The following AVEN variants were observed in gnomAD, a reference collection of about 807,000 sequenced individuals.
AVEN encodes the protein cell death regulator Aven.
Under a neutral mutation model 38.1 loss-of-function variants are expected in AVEN, and 41 were observed. The ratio of observed to expected loss-of-function variants is 1.08; its 90% CI spans 0.84 to 1.40. The LOEUF is 1.40. AVEN is among the 40% of genes most tolerant of loss of function. The pLI is 0.00. For synonymous variants in AVEN, 206 were observed against 171.8 expected (o/e 1.20, Z -1.56); for missense variants, 605 against 438.8 (o/e 1.38, Z -3.38).
chr15:33,853,771 G>C, the AVEN span: 1 of 1,505,378 alleles, frequency 6.6e-7, no homozygotes, highest in Non-Finnish European at 8.9e-7. Context: ...CCGTGTCTTT[G>C]TTCTCTCAGG....
chr15:34,041,394 T>C (rs1258370645), upstream of AVEN, among the ~76,000 whole-genome samples: 1 of 152,190 alleles, frequency 6.6e-6, no homozygotes, highest in African/African-American at 2.4e-5. Flanking sequence ...AAACCCTGAT[T>C]TGGGCAAATG....
chr15:33,919,428 G>A (rs1281647421), intron 2 of AVEN, among the ~76,000 whole-genome samples: 1 of 152,144 alleles, frequency 6.6e-6, no homozygotes, highest in African/African-American at 2.4e-5. Flanking sequence ...TGCAACTTTG[G>A]TGTATATCAG....
intron 2 of AVEN, among the ~76,000 whole-genome samples, chr15:33,889,789 T>C (rs1438875449): frequency 6.6e-6 from 1 of 152,208 alleles, no homozygotes; most frequent in African/African-American, 2.4e-5. Context: ...ATTTTTATTC[T>C]TTTTCAGGTC....
chr15:34,017,368 G>C lies in AVEN; in HGVS notation c.268-14159C>G, dbSNP rs994642495. Among the ~76,000 whole-genome samples the C allele has an allele frequency of 3.3e-5, 5 of 151,544 alleles. No homozygotes were observed. The South Asian group carries it at 6.2e-4, about 19-fold the overall frequency. ...TTCCCCAAAGAATGACATTTCAAAA[G>C]AGAAAATATCAATCACCTAAGATTT... On this transcript the variant is annotated intron_variant, in intron 1 of 5. Transcript: ENST00000306730.
At chr15:33,993,168 G>A (rs1435489729) in intron 2 of AVEN, among the ~76,000 whole-genome samples, 1 of 152,120 alleles carries the variant, frequency 6.6e-6, no homozygotes, top group Admixed American at 6.5e-5. Flanking sequence ...AAAAAATGAA[G>A]GGCAGAAGAA....
chr15:33,915,235 G>T (rs983965093), intron 2 of AVEN, among the ~76,000 whole-genome samples: 4 of 152,106 alleles, frequency 2.6e-5, no homozygotes, highest in African/African-American at 9.7e-5. Flanking sequence ...TTTGCTCCAA[G>T]AACTACTGCA....
At chr15:33,859,848 T>TTAGCAAGA in intron 11 of AVEN, 1 of 1,170,004 alleles carries the variant, frequency 8.5e-7, no homozygotes, top group Non-Finnish European at 1.2e-6. Context: ...ACTTGTTAAT[T>TTAGCAAGA]TAGCAAGAAC....
intron 1 of AVEN, among the ~76,000 whole-genome samples, chr15:34,037,728 ATTTAAG>A (rs957093866): frequency 2.4e-4 from 37 of 152,072 alleles, no homozygotes; most frequent in Admixed American, 2.2e-3. Flanking sequence ...TCCTAACAAG[ATTTAAG>A]TTTGTTACAT....
At chr15:33,923,489 A>C (rs997068363) in intron 2 of AVEN, among the ~76,000 whole-genome samples, 1 of 152,238 alleles carries the variant, frequency 6.6e-6, no homozygotes, top group African/African-American at 2.4e-5. Context: ...AACTTTCAGT[A>C]AATAGTTAAA....
upstream of AVEN, among the ~76,000 whole-genome samples, chr15:34,042,396 GTTT>G (rs35456951): frequency 7.7e-6 from 1 of 130,382 alleles, no homozygotes; most frequent in Non-Finnish European, 1.6e-5. Flanking sequence ...CATGACCTAA[GTTT>G]TTTTTTTTTT....
chr15:33,971,025 A>C (rs992960888), intron 2 of AVEN, among the ~76,000 whole-genome samples: 7 of 151,990 alleles, frequency 4.6e-5, no homozygotes, highest in South Asian at 4.1e-4. Context: ...GCTTTCAAAA[A>C]AATACCCTAC....
chr15:34,040,973 T>A (rs1899450872), upstream of AVEN, among the ~76,000 whole-genome samples: 1 of 151,842 alleles, frequency 6.6e-6, no homozygotes, highest in Non-Finnish European at 1.5e-5. Context: ...GGAAGGGGCA[T>A]GGAAGAATAT....
chr15:34,070,802 G>A lies in AVEN; in HGVS notation n.721-151C>T, dbSNP rs542003782. Among the ~76,000 whole-genome samples the A allele has an allele frequency of 2.0e-5, 3 of 152,292 alleles. No homozygotes were observed. The South Asian group carries it at 6.2e-4, about 32-fold the overall frequency. On this transcript the variant is annotated intron_variant and non_coding_transcript_variant, in intron 1 of 11. Transcript: ENST00000675287. ...GTTAAATATTCACATTAAACTCAAA[G>A]AGGGCACAGCCAGTATTATTCTGCA...
At chr15:33,863,600 T>C (rs78061990), downstream of AVEN, among the ~76,000 whole-genome samples, 5,743 of 152,196 alleles carry the variant, frequency 0.038, 172 homozygotes, top group Non-Finnish European at 0.039. Context: ...AAACCTAAGA[T>C]ATGGATCACA....
intron 1 of AVEN, among the ~76,000 whole-genome samples, chr15:34,023,949 T>A (rs1402815249): frequency 6.6e-6 from 1 of 152,004 alleles, no homozygotes; most frequent in African/African-American, 2.4e-5. Flanking sequence ...GCCCAGAGAG[T>A]GGATTTGATT....
intron 2 of AVEN, chr15:33,992,123 A>T (rs1203283109): frequency 6.6e-6 from 1 of 152,290 alleles, no homozygotes; most frequent in Non-Finnish European, 1.5e-5. Flanking sequence ...GCGATGGTTC[A>T]CGCCTGTAAT....
chr15:34,039,633 A>G (rs1276564919), upstream of AVEN, among the ~76,000 whole-genome samples: 5 of 152,172 alleles, frequency 3.3e-5, no homozygotes, highest in South Asian at 8.3e-4. Flanking sequence ...TGAGAGGTGG[A>G]CTGCAGCACG....
intron 1 of AVEN, chr15:34,018,470 G>A (rs1251242251): frequency 6.6e-6 from 1 of 152,222 alleles, no homozygotes; most frequent in South Asian, 2.1e-4. Context: ...TTCGCAGTGA[G>A]TGTTACAGTT....
chr15:34,009,489 C>T (rs952956258), intron 1 of AVEN, among the ~76,000 whole-genome samples: 1 of 152,004 alleles, frequency 6.6e-6, no homozygotes, highest in African/African-American at 2.4e-5. Context: ...AAATCAATAT[C>T]CAACTACAGC....
Sources: gnomAD v4.1 joint callset for allele counts (sites outside exome capture counted in the v4.1 genomes callset) on GRCh38, gnomAD v4.1.1 for gene constraint, MANE v1.5 for transcripts, NCBI Gene and HGNC (gene_info 2026-07-23, HGNC 2026-07-21) for gene names.